MAGI1: variants seen among roughly 807,000 people sequenced by gnomAD.
MAGI1 encodes the protein membrane associated guanylate kinase, WW and PDZ domain containing 1, also known as membrane-associated guanylate kinase, WW and PDZ domain-containing protein 1.
In MAGI1, 58 loss-of-function variants were observed where a neutral mutation model predicts 139.9. That is an observed-to-expected ratio of 0.41 (90% CI 0.34 to 0.52). The LOEUF (loss-of-function observed/expected upper bound fraction) is 0.52, where lower values mean the gene tolerates loss of function less well. Among genes scored for constraint, MAGI1 ranks in the 20% least tolerant of loss-of-function variants. The pLI is 0.12. For synonymous variants in MAGI1, 812 were observed against 737.9 expected (o/e 1.10, Z -1.63); for missense variants, 1,874 against 1,901.6 (o/e 0.99, Z 0.27).
chr3:65,916,250 G>C (rs555815878), intron 1 of MAGI1, among the ~76,000 whole-genome samples: 2 of 152,086 alleles, frequency 1.3e-5, no homozygotes, highest in South Asian at 4.2e-4. Flanking sequence ...TGTATTTTTA[G>C]TAGAGACGGG....
At chr3:65,866,614 T>C (rs2059737908) in intron 1 of MAGI1, among the ~76,000 whole-genome samples, 2 of 152,090 alleles carry the variant, frequency 1.3e-5, no homozygotes, top group South Asian at 4.1e-4. Context: ...ACTAAAGAGA[T>C]GCAGCATCTC....
At chr3:65,764,810 C>T (rs2037336873) in intron 1 of MAGI1, among the ~76,000 whole-genome samples, 1 of 152,040 alleles carries the variant, frequency 6.6e-6, no homozygotes, top group Admixed American at 6.6e-5. Context: ...TAAGCATAGG[C>T]GTAAACACAC....
At chr3:65,623,083 G>A (rs1187984686) in intron 1 of MAGI1, among the ~76,000 whole-genome samples, 5 of 152,172 alleles carry the variant, frequency 3.3e-5, no homozygotes, top group East Asian at 1.9e-4. Context: ...TGGGTAATAC[G>A]AGGAATCATA....
chr3:65,522,258 A>T lies in MAGI1; in HGVS notation c.431-28627T>A, dbSNP rs115911067. Among the ~76,000 whole-genome samples, 1,346 of 152,334 alleles carry T rather than the reference A, an allele frequency of 8.8e-3. 21 individuals are homozygous for T. Among genetic ancestry groups the T allele is most frequent in the African/African-American group, 0.03 (1,248 of 41,574 alleles). On this transcript the variant is annotated intron_variant, in intron 2 of 22. Transcript: ENST00000402939. ...GTTGAATATGCTGATATTAATTGAGAGTTTCCAAAAAGAATAAACTATGCT... is the reference window on the plus strand; with the variant it reads ...GTTGAATATGCTGATATTAATTGAGTGTTTCCAAAAAGAATAAACTATGCT...
At chr3:65,901,661 C>G (rs866896466) in intron 1 of MAGI1, among the ~76,000 whole-genome samples, 64 of 152,322 alleles carry the variant, frequency 4.2e-4, no homozygotes, top group African/African-American at 1.4e-3. Context: ...AATCATTTAT[C>G]TACATACACA....
chr3:65,699,530 T>C (rs1353149938), intron 1 of MAGI1, among the ~76,000 whole-genome samples: 4 of 141,622 alleles, frequency 2.8e-5, no homozygotes, highest in African/African-American at 1.1e-4. Context: ...ATATACACCA[T>C]GGAATACTAT....
intron 1 of MAGI1, among the ~76,000 whole-genome samples, chr3:66,037,393 C>CA (rs1305862737): frequency 6.6e-6 from 1 of 152,066 alleles, no homozygotes; most frequent in African/African-American, 2.4e-5. Flanking sequence ...CTCCCCCTCC[C>CA]AAGTGTATGG....
At chr3:65,911,753 C>G (rs1329251009) in intron 1 of MAGI1, among the ~76,000 whole-genome samples, 1 of 152,206 alleles carries the variant, frequency 6.6e-6, no homozygotes, top group African/African-American at 2.4e-5. Flanking sequence ...ATTACCAAAT[C>G]ATACTTTTAT....
intron 2 of MAGI1, among the ~76,000 whole-genome samples, chr3:65,505,141 T>G (rs1224936349): frequency 6.6e-6 from 1 of 152,190 alleles, no homozygotes; most frequent in Non-Finnish European, 1.5e-5. Flanking sequence ...GCAGATAGAC[T>G]CTCTCCATTA....
intron 1 of MAGI1, among the ~76,000 whole-genome samples, chr3:66,026,741 C>A (rs1041254685): frequency 6.6e-6 from 1 of 151,742 alleles, no homozygotes; most frequent in Admixed American, 6.6e-5. Context: ...GAGATGGCGG[C>A]AATTAAGCAG....
chr3:65,932,230 G>A (rs1229890334), intron 1 of MAGI1, among the ~76,000 whole-genome samples: 2 of 152,068 alleles, frequency 1.3e-5, no homozygotes, highest in Non-Finnish European at 2.9e-5. Context: ...ATAAAATAAT[G>A]CAAACAAGGT....
intron 1 of MAGI1, among the ~76,000 whole-genome samples, chr3:66,023,167 TACA>T (rs2068051130): frequency 6.6e-6 from 1 of 152,206 alleles, no homozygotes; most frequent in Non-Finnish European, 1.5e-5. Context: ...AGTTCTGGAT[TACA>T]TATAGAATAT....
At chr3:66,027,921 G>A (rs1226386901) in intron 1 of MAGI1, among the ~76,000 whole-genome samples, 1 of 152,156 alleles carries the variant, frequency 6.6e-6, no homozygotes, top group Non-Finnish European at 1.5e-5. Context: ...TCCAGACGTT[G>A]CCAAATGTCC....
Position 65,375,945 on chromosome 3 carries a change from C to T in MAGI1, c.2996G>A (p.Gly999Asp). Residue 999 changes from glycine (G) to aspartate (D), a missense_variant and splice_region_variant, in exon 18 of 23, where the codon GGC becomes GAC. This residue lies in a region of MAGI1 where 653 missense variants were observed against 644.5 expected (regional missense o/e 1.01). Transcript: ENST00000402939. ...VSRPEAGTTF[G>D]NACVAMPHKI... ...GTGAGGCATAGCCACACATGCATTG[C>T]CTGCTTTGATATTGAGTTTTAATTT... The T allele has an allele frequency of 1.9e-6, 3 of 1,611,682 alleles. No homozygotes were observed. The highest frequency in any genetic ancestry group is 2.5e-6 in the Non-Finnish European group (3 of 1,178,384).
At chr3:66,014,037 T>C (rs866282020) in intron 1 of MAGI1, among the ~76,000 whole-genome samples, 27 of 152,284 alleles carry the variant, frequency 1.8e-4, no homozygotes, top group Middle Eastern at 3.4e-3. Context: ...ATAAAAATAA[T>C]ACCTGCTTGC....
intron 2 of MAGI1, among the ~76,000 whole-genome samples, chr3:65,597,388 A>C (rs2082262926): frequency 6.6e-6 from 1 of 151,420 alleles, no homozygotes; most frequent in Non-Finnish European, 1.5e-5. Context: ...GGAGGAGGCA[A>C]TACAAAGCGC....
rs5849680 is a variant in MAGI1, at chr3:65,586,769, A to ATT, written c.430+35201_430+35202dup. Among the ~76,000 whole-genome samples, 130 of 147,962 alleles carry ATT rather than the reference A, an allele frequency of 8.8e-4. 1 individual carries two copies. Among genetic ancestry groups the ATT allele is most frequent in the African/African-American group, 3.1e-3 (127 of 40,648 alleles). ...ACAATTTCAAATTGGCAAGTAACAG[A>ATT]TTTTTTTTTTTTAACACCTTCTCAC... On this transcript the variant is annotated intron_variant, in intron 2 of 22. Coordinates refer to ENST00000402939, the MANE Select transcript of MAGI1 (RefSeq NM_001033057.2).
chr3:65,820,167 G>A (rs1042843934), intron 1 of MAGI1, among the ~76,000 whole-genome samples: 24 of 150,732 alleles, frequency 1.6e-4, no homozygotes, highest in African/African-American at 5.1e-4. Flanking sequence ...TTCAAAGTGA[G>A]AAAAAAAAAC....
chr3:65,818,644 A>G (rs1450131029), intron 1 of MAGI1, among the ~76,000 whole-genome samples: 2 of 152,214 alleles, frequency 1.3e-5, no homozygotes, highest in Admixed American at 6.5e-5. Context: ...CCAACGTTTA[A>G]TAACTCAAGG....
Sources: gnomAD v4.1 joint callset for allele counts (sites outside exome capture counted in the v4.1 genomes callset) on GRCh38, gnomAD v4.1.1 for gene constraint, gnomAD v4.1.1 regional missense constraint, MANE v1.5 for transcripts, NCBI Gene and HGNC (gene_info 2026-07-23, HGNC 2026-07-21) for gene names.